The following LNX2 variants were observed in gnomAD, a reference collection of about 807,000 sequenced individuals.
LNX2 encodes ligand of Numb protein X 2.
Under a neutral mutation model 66.2 loss-of-function variants are expected in LNX2, and 35 were observed. The ratio of observed to expected loss-of-function variants is 0.53; its 90% CI spans 0.40 to 0.70. The LOEUF (loss-of-function observed/expected upper bound fraction) is 0.70. Among genes scored for constraint, LNX2 ranks in the 30% least tolerant of loss-of-function variants. LNX2 has a pLI of 0.00. For missense variants in LNX2, 791 were observed against 850.8 expected (o/e 0.93, Z 0.87); for synonymous variants, 337 against 315.6 (o/e 1.07, Z -0.72).
At chr13:27,602,455 C>T (rs1566131638) in intron 1 of LNX2, among the ~76,000 whole-genome samples, 1 of 152,118 alleles carries the variant, frequency 6.6e-6, no homozygotes, top group Admixed American at 6.5e-5. Context: ...TAGAGTATCA[C>T]CTAAATGGGA....
At chr13:27,598,039 G>A (rs1207219338) in intron 1 of LNX2, among the ~76,000 whole-genome samples, 1 of 151,964 alleles carries the variant, frequency 6.6e-6, no homozygotes, top group African/African-American at 2.4e-5. Context: ...TACAACAAAT[G>A]TCCATTATCA....
intron 2 of LNX2, among the ~76,000 whole-genome samples, chr13:27,572,204 A>C (rs1955289922): frequency 6.6e-6 from 1 of 152,226 alleles, no homozygotes; most frequent in Non-Finnish European, 1.5e-5. Context: ...ATCATTAAAA[A>C]ACAGAAATCA....
At chr13:27,571,810 A>G (rs2138368357) in intron 2 of LNX2, among the ~76,000 whole-genome samples, 1 of 152,346 alleles carries the variant, frequency 6.6e-6, no homozygotes, top group South Asian at 2.1e-4. Flanking sequence ...CTCAAGCTGC[A>G]AATACTTGGA....
intron 4 of LNX2, among the ~76,000 whole-genome samples, chr13:27,567,114 A>T (rs1304275970): frequency 3.3e-5 from 5 of 152,148 alleles, no homozygotes; most frequent in Non-Finnish European, 7.3e-5. Context: ...AGGAGAGTGC[A>T]TTAGGGAGTT....
At chr13:27,578,852 C>G (rs1172429780) in intron 2 of LNX2, among the ~76,000 whole-genome samples, 1 of 152,196 alleles carries the variant, frequency 6.6e-6, no homozygotes, top group African/African-American at 2.4e-5. Flanking sequence ...ATAGCAGAGA[C>G]AAGCCATCCC....
intron 5 of LNX2, 108 bp from the exon 6 acceptor site, chr13:27,560,093 G>A (rs1181529477): frequency 2.0e-5 from 19 of 973,702 alleles, no homozygotes; most frequent in East Asian, 5.7e-5. Context: ...GTACCAGGGC[G>A]TCATCTGGAC....
intron 5 of LNX2, among the ~76,000 whole-genome samples, chr13:27,561,526 A>C (rs1231019161): frequency 1.3e-5 from 2 of 152,232 alleles, no homozygotes; most frequent in African/African-American, 4.8e-5. Context: ...CCTCAAGTCT[A>C]TGAAATTAGA....
intron 1 of LNX2, among the ~76,000 whole-genome samples, chr13:27,616,394 T>C (rs1955827407): frequency 1.3e-5 from 2 of 152,132 alleles, no homozygotes; most frequent in Admixed American, 6.5e-5. Context: ...ACGTTTCTTA[T>C]CGGACTTAAA....
rs1486607869 is a variant in LNX2, at chr13:27,569,085, C to T, written c.599G>A (p.Trp200Ter). ...GTTGTCAAGGCCAGGCTCCTCACTC[C>T]ATGTGGAAAGAGACGCTGATGTCAA... ...RHLTSASLST[W>*]SEEPGLDNPA... The change falls in exon 3 of 10, where the codon TGG (tryptophan) becomes TAG (stop). Residue 200 changes from tryptophan to a stop codon, truncating the protein, a stop_gained. Transcript: ENST00000316334. LOFTEE classifies it high-confidence loss of function. 6.2e-7 allele frequency: 1 copy of T among 1,613,710 alleles called. No individual in the cohort carries two copies. The highest frequency in any genetic ancestry group is 8.5e-7 in the Non-Finnish European group (1 of 1,179,884).
chr13:27,573,075 G>C (rs1203621487), intron 2 of LNX2, among the ~76,000 whole-genome samples: 1 of 152,160 alleles, frequency 6.6e-6, no homozygotes, highest in Non-Finnish European at 1.5e-5. Context: ...GCAGTAGGGA[G>C]AACATTTGTT....
chr13:27,605,156 TAACCA>T (rs1955700615), intron 1 of LNX2, among the ~76,000 whole-genome samples: 1 of 152,168 alleles, frequency 6.6e-6, no homozygotes, highest in Non-Finnish European at 1.5e-5. Flanking sequence ...TGAAGACTAC[TAACCA>T]AAATTAAACA....
At chr13:27,561,924 A>G (rs1955140456) in intron 5 of LNX2, among the ~76,000 whole-genome samples, 1 of 152,214 alleles carries the variant, frequency 6.6e-6, no homozygotes, top group African/African-American at 2.4e-5. Flanking sequence ...TATGAGGACA[A>G]ATTTTATCAT....
intron 1 of LNX2, among the ~76,000 whole-genome samples, chr13:27,619,175 CCTA>C (rs557681546): frequency 6.7e-4 from 101 of 151,302 alleles, no homozygotes; most frequent in Non-Finnish European, 1.1e-3. Context: ...TCTCATTTGG[CCTA>C]CTTTTACCCC....
chr13:27,548,563 C>T, intron 9 of LNX2, 93 bp from the exon 10 acceptor site: 2 of 1,301,270 alleles, frequency 1.5e-6, no homozygotes, highest in South Asian at 1.4e-5. Flanking sequence ...AATGCGGTTT[C>T]ACTTACCACT....
At chr13:27,587,131 A>T (rs1955495814) in intron 1 of LNX2, among the ~76,000 whole-genome samples, 1 of 152,212 alleles carries the variant, frequency 6.6e-6, no homozygotes, top group Non-Finnish European at 1.5e-5. Flanking sequence ...CGATGAGCTA[A>T]GAGTTACCAC....
At chr13:27,575,966 T>C (rs377446167) in intron 2 of LNX2, among the ~76,000 whole-genome samples, 4 of 152,062 alleles carry the variant, frequency 2.6e-5, no homozygotes, top group East Asian at 3.9e-4. Context: ...AAATGGCAAA[T>C]GTAAAGCCTA....
chr13:27,579,216 T>G (rs1055471782), intron 2 of LNX2, among the ~76,000 whole-genome samples: 3 of 152,238 alleles, frequency 2.0e-5, no homozygotes, highest in Non-Finnish European at 4.4e-5. Context: ...CTACCTGAAT[T>G]TCAATGTTCT....
At chr13:27,617,690 G>A (rs1174584971) in intron 1 of LNX2, among the ~76,000 whole-genome samples, 1 of 152,108 alleles carries the variant, frequency 6.6e-6, no homozygotes, top group Non-Finnish European at 1.5e-5. Flanking sequence ...TACTCATAAA[G>A]CCTTTCTGTG....
chr13:27,604,833 ATTATTAAG>A (rs1348402544), intron 1 of LNX2, among the ~76,000 whole-genome samples: 4 of 149,468 alleles, frequency 2.7e-5, no homozygotes, highest in African/African-American at 7.4e-5. Flanking sequence ...GAATTGTATT[ATTATTAAG>A]TTATTTCTAT....
Sources: gnomAD v4.1 joint callset for allele counts (sites outside exome capture counted in the v4.1 genomes callset) on GRCh38, gnomAD v4.1.1 for gene constraint, MANE v1.5 for transcripts, NCBI Gene and HGNC (gene_info 2026-07-23, HGNC 2026-07-21) for gene names.